Variants in FAF1 observed in about 807,000 individuals in gnomAD.
The protein encoded by FAF1 is Fas associated factor 1, also known as FAS-associated factor 1.
A neutral mutation model predicts 92.5 loss-of-function variants in FAF1; 25 were observed. The observed-to-expected ratio is 0.27, with a 90% CI of 0.20 to 0.38. The LOEUF is 0.38. Ranked by LOEUF, FAF1 falls within the 10% of genes least tolerant of loss-of-function variation. The pLI is 1.00. For missense variants in FAF1, 636 were observed against 793.3 expected, an observed-to-expected ratio of 0.80 and a Z score of 2.38; for synonymous variants, 234 against 273.2, an observed-to-expected ratio of 0.86 and a Z score of 1.42.
At chr1:50,770,576 T>C (rs1660742681) in intron 4 of FAF1, among the ~76,000 whole-genome samples, 1 of 152,034 alleles carries the variant, frequency 6.6e-6, no homozygotes. Flanking sequence ...ACAATGAGAA[T>C]TACAAAAGAC....
intron 7 of FAF1, among the ~76,000 whole-genome samples, chr1:50,671,776 C>A (rs1655892721): frequency 6.6e-6 from 1 of 150,782 alleles, no homozygotes; most frequent in African/African-American, 2.4e-5. Context: ...GTCGCCCAGG[C>A]TGGAGTGCAG....
At chr1:50,643,810 C>G (rs887927820) in intron 8 of FAF1, among the ~76,000 whole-genome samples, 2 of 152,166 alleles carry the variant, frequency 1.3e-5, no homozygotes, top group Admixed American at 1.3e-4. Flanking sequence ...CCAGGCTGGT[C>G]TCAAACTCCA....
At chr1:50,926,941 G>A (rs770135245) in intron 1 of FAF1, among the ~76,000 whole-genome samples, 1 of 152,194 alleles carries the variant, frequency 6.6e-6, no homozygotes, top group Non-Finnish European at 1.5e-5. Flanking sequence ...AAAAAGGCAA[G>A]AAATTCTGAC....
At chr1:50,584,046 A>T (rs1051831181) in intron 10 of FAF1, among the ~76,000 whole-genome samples, 1 of 152,114 alleles carries the variant, frequency 6.6e-6, no homozygotes, top group Non-Finnish European at 1.5e-5. Flanking sequence ...ACATCTTGTG[A>T]CTAAATTATA....
In FAF1 at chr1:50,641,484, A is replaced by G. The variant is rs1391632109; in HGVS notation, c.744+13958T>C. Among the ~76,000 whole-genome samples, 3 of 152,198 alleles carry G rather than the reference A, an allele frequency of 2.0e-5. No homozygotes were observed. In the South Asian group the frequency reaches 6.2e-4, roughly 32 times the overall value. On this transcript the variant is annotated intron_variant, in intron 8 of 18. Coordinates refer to ENST00000396153, the MANE Select transcript of FAF1 (RefSeq NM_007051.3). ...GTATGTTTTTTATTTCAAATATTTG[A>G]AGAGCTTCAGGCCACTGTGTTAGTG... is the stretch of plus-strand genomic sequence containing the variant.
At chr1:50,542,264 C>T (rs968917415) in intron 13 of FAF1, among the ~76,000 whole-genome samples, 1 of 152,132 alleles carries the variant, frequency 6.6e-6, no homozygotes, top group Non-Finnish European at 1.5e-5. Context: ...GGCTGATGGA[C>T]AGTATGAAAT....
chr1:50,955,298 G>A (rs956309578), intron 1 of FAF1, among the ~76,000 whole-genome samples: 1 of 152,122 alleles, frequency 6.6e-6, no homozygotes, highest in African/African-American at 2.4e-5. Context: ...GGAGGTAGGG[G>A]GAACTTCATG....
intron 13 of FAF1, among the ~76,000 whole-genome samples, chr1:50,545,934 G>T (rs554978893): frequency 2.0e-5 from 3 of 152,202 alleles, no homozygotes; most frequent in East Asian, 1.9e-4. Context: ...AGGCCAAGGT[G>T]GGGGGAGGAA....
At chr1:50,792,182 A>C (rs1232480278) in intron 3 of FAF1, among the ~76,000 whole-genome samples, 1 of 152,206 alleles carries the variant, frequency 6.6e-6, no homozygotes, top group African/African-American at 2.4e-5. Flanking sequence ...AAAATGATAC[A>C]GAGTTTGTAA....
intron 4 of FAF1, among the ~76,000 whole-genome samples, chr1:50,769,999 C>A (rs1384517419): frequency 6.6e-6 from 1 of 151,982 alleles, no homozygotes; most frequent in East Asian, 1.9e-4. Context: ...TGCAGTGAGC[C>A]GAGATCACGC....
intron 1 of FAF1, among the ~76,000 whole-genome samples, chr1:50,873,553 G>A (rs555573565): frequency 6.6e-6 from 1 of 152,256 alleles, no homozygotes; most frequent in South Asian, 2.1e-4. Flanking sequence ...TGCAGATGGC[G>A]CCAAAAGCAA....
chr1:50,444,293 G>A (rs1268676594), intron 18 of FAF1, among the ~76,000 whole-genome samples: 1 of 152,202 alleles, frequency 6.6e-6, no homozygotes. Context: ...TTAGGAAAGA[G>A]CCTAAAAGCT....
chr1:50,459,433 C>A (rs1435685829), intron 18 of FAF1, among the ~76,000 whole-genome samples: 1 of 152,176 alleles, frequency 6.6e-6, no homozygotes, highest in Non-Finnish European at 1.5e-5. Context: ...TTCTCCTGGT[C>A]CCTCAGACTC....
chr1:50,921,800 G>A (rs1478137456), intron 1 of FAF1, among the ~76,000 whole-genome samples: 2 of 151,892 alleles, frequency 1.3e-5, no homozygotes, highest in East Asian at 3.9e-4. Flanking sequence ...AAAATTTAAA[G>A]TATAAAATTC....
intron 4 of FAF1, among the ~76,000 whole-genome samples, chr1:50,768,304 T>C (rs1660653120): frequency 6.6e-6 from 1 of 151,460 alleles, no homozygotes; most frequent in South Asian, 2.1e-4. Context: ...AGCAAGTTCT[T>C]AGAGATCTAC....
chr1:50,511,502 G>T (rs1348148251), intron 15 of FAF1, among the ~76,000 whole-genome samples: 1 of 151,992 alleles, frequency 6.6e-6, no homozygotes, highest in Non-Finnish European at 1.5e-5. Flanking sequence ...GTGGTGTTTG[G>T]TTTTCTGTTC....
At chr1:50,714,313 G>A (rs1658080573) in intron 6 of FAF1, among the ~76,000 whole-genome samples, 1 of 149,196 alleles carries the variant, frequency 6.7e-6, no homozygotes, top group Admixed American at 6.7e-5. Flanking sequence ...AACCAGCCTG[G>A]CCAACATAGT....
At position 50,894,304 on chromosome 1, in the gene FAF1, TA is replaced by T. The variant is rs34801737; in HGVS notation, c.46-36308del. Among the ~76,000 whole-genome samples, 276 of 62,990 alleles carry T rather than the reference TA, an allele frequency of 4.4e-3. 1 individual carries two copies. The highest frequency in any genetic ancestry group is 5.6e-3 in the South Asian group (10 of 1,780). The allele number at this position is 62,990 out of a possible 152,430, so 41.3% of individuals were successfully genotyped here. ...AGACAGAGAGACTCTGTCTCAAAAT[TA>T]AAAAAAAAAAAAAAAAAAAAAAAAA... On this transcript the variant is annotated intron_variant, in intron 1 of 18. Transcript: ENST00000396153.
chr1:50,715,343 T>C (rs966792957), intron 6 of FAF1, among the ~76,000 whole-genome samples: 2 of 152,214 alleles, frequency 1.3e-5, no homozygotes. Context: ...GCTGTGTGCC[T>C]GTAATCCCAG....
Sources: gnomAD v4.1 joint callset for allele counts (sites outside exome capture counted in the v4.1 genomes callset) on GRCh38, gnomAD v4.1.1 for gene constraint, MANE v1.5 for transcripts, NCBI Gene and HGNC (gene_info 2026-07-23, HGNC 2026-07-21) for gene names.